ZNF30: variants seen among roughly 807,000 people sequenced by gnomAD.
The protein encoded by ZNF30 is zinc finger protein 30 (KOX 28).
A neutral mutation model predicts 13.2 loss-of-function variants in ZNF30; 15 were observed. The observed-to-expected ratio is 1.13, with a 90% CI of 0.76 to 1.75. The LOEUF is 1.75. Among genes scored for constraint, ZNF30 ranks in the 40% most tolerant of loss-of-function variants. The pLI is 0.00. For synonymous variants in ZNF30, 223 were observed against 256.6 expected (o/e 0.87, Z 1.25); for missense variants, 726 against 757.0 (o/e 0.96, Z 0.48).
At position 34,944,713 on chromosome 19, in the gene ZNF30, C is replaced by T. The variant is rs2013251013; in HGVS notation, c.1747C>T (p.Leu583Phe). ...CGKAFRLNSF[L>F]TEHQRVHTGE... is the part of the protein sequence containing the mutation. ...GAAGGCCTTTAGACTTAATTCATTC[C>T]TTACTGAACATCAGCGGGTACACAC... Residue 583 changes from leucine to phenylalanine, a missense_variant, in exon 5 of 5, where the codon CTT becomes TTT. By Grantham distance (22) the Leu-to-Phe change is conservative. Coordinates refer to ENST00000601142, the MANE Select transcript of ZNF30 (RefSeq NM_194325.3). 2.5e-6 allele frequency: 4 copies of T among 1,612,514 alleles called. No individual in the cohort carries two copies. The highest frequency in any genetic ancestry group is 3.4e-6 in the Non-Finnish European group (4 of 1,178,814).
At chr19:34,939,948 A>C (rs1043910660) in intron 4 of ZNF30, among the ~76,000 whole-genome samples, 13 of 152,248 alleles carry the variant, frequency 8.5e-5, no homozygotes, top group Non-Finnish European at 1.5e-4. Flanking sequence ...GTAGTTTTAT[A>C]AAAAGGTGTA....
At position 34,944,152 on chromosome 19, in the gene ZNF30, G is replaced by A. The variant is rs1450575693; in HGVS notation, c.1186G>A (p.Gly396Ser). 6.2e-7 allele frequency: 1 copy of A among 1,613,792 alleles called. No individual in the cohort carries two copies. The change falls in exon 5 of 5, where the codon GGC becomes AGC. Residue 396 changes from glycine (G) to serine (S), a missense_variant. Gly to Ser is a moderately conservative substitution (Grantham distance 56, BLOSUM62 0). Coordinates refer to ENST00000601142, the MANE Select transcript of ZNF30 (RefSeq NM_194325.3). ...TGTTCAACATGGAAGACTTCACACTGGCGAGAAGCCCTATGAATGTAAGGA... is the reference window on the plus strand; with the variant it reads ...TGTTCAACATGGAAGACTTCACACTAGCGAGAAGCCCTATGAATGTAAGGA... ...YLVQHGRLHT[G>S]EKPYECKECG...
At position 34,936,102 on chromosome 19, in the gene ZNF30, G is replaced by A. The variant is rs375239407; in HGVS notation, c.256+2379G>A. 7.9e-5 allele frequency among the ~76,000 whole-genome samples: 12 copies of A among 152,296 alleles called. No homozygotes were observed. In the South Asian group the frequency reaches 2.3e-3, roughly 29 times the overall value. ...TCCCACCAAGTCCCTCCCACAACACGTGGGAATTATGGGAGCTACAATTCA... is the reference window on the plus strand; with the variant it reads ...TCCCACCAAGTCCCTCCCACAACACATGGGAATTATGGGAGCTACAATTCA... On this transcript the variant is annotated intron_variant, in intron 4 of 4. Coordinates refer to ENST00000601142, the MANE Select transcript of ZNF30 (RefSeq NM_194325.3).
chr19:34,937,100 C>G (rs138402860), intron 4 of ZNF30, among the ~76,000 whole-genome samples: 2 of 152,012 alleles, frequency 1.3e-5, no homozygotes. Flanking sequence ...CAACCTCTGC[C>G]TCCCTGGTTA....
At chr19:34,924,770 G>A (rs1437364798), upstream of ZNF30, among the ~76,000 whole-genome samples, 1 of 152,108 alleles carries the variant, frequency 6.6e-6, no homozygotes, top group Admixed American at 6.6e-5. Flanking sequence ...AGTTTCAGAG[G>A]GTTTGAAAAT....
At chr19:34,927,676 C>T (rs1186721902) in intron 1 of ZNF30, among the ~76,000 whole-genome samples, 1 of 152,210 alleles carries the variant, frequency 6.6e-6, no homozygotes, top group East Asian at 1.9e-4. Flanking sequence ...ACATTTCCAT[C>T]AATCTCCATA....
At position 34,926,969 on chromosome 19, in the gene ZNF30, GCTAT is replaced by G; in HGVS notation, c.-310_-307del. 1 of 398,594 alleles carries G rather than the reference GCTAT, an allele frequency of 2.5e-6. No individual in the cohort carries two copies. Among genetic ancestry groups the G allele is most frequent in the Admixed American group, 4.4e-5 (1 of 22,744 alleles). The allele number at this position is 398,594 out of a possible 1,614,324, so 24.7% of individuals were successfully genotyped here. A position where few individuals can be genotyped will look rare whatever the true frequency, so the allele number is the denominator to read the frequency against. On this transcript the variant is annotated 5_prime_UTR_variant, in exon 1 of 5. It introduces an in-frame stop codon into an upstream open reading frame of the 5' UTR. Coordinates refer to ENST00000601142, the MANE Select transcript of ZNF30 (RefSeq NM_194325.3). ...AGGACTGCATTTCCCAGAGGCTGCA[GCTAT>G]CCGGCCAATGTAGCCTGAAACTACA...
At chr19:34,924,610 G>T (rs1663751636), upstream of ZNF30, among the ~76,000 whole-genome samples, 1 of 152,182 alleles carries the variant, frequency 6.6e-6, no homozygotes, top group African/African-American at 2.4e-5. Flanking sequence ...GGACAGAAGT[G>T]ATCAGTGACC....
intron 3 of ZNF30, among the ~76,000 whole-genome samples, chr19:34,933,076 G>A (rs2012541737): frequency 7.2e-6 from 1 of 138,788 alleles, no homozygotes; most frequent in Non-Finnish European, 1.6e-5. Flanking sequence ...CACCGGGCCT[G>A]GTTTTTTATC....
In ZNF30 at chr19:34,944,872, G is replaced by A. The variant is rs1053213; in HGVS notation, c.*34G>A. 169,650 of 1,511,928 alleles carry A rather than the reference G, an allele frequency of 0.11. 9,920 individuals carry two copies. The highest frequency in any genetic ancestry group is 0.22 in the East Asian group (9,430 of 43,840). 93.7% of individuals were successfully genotyped at this position (1,511,928 alleles called of 1,614,324 possible). A position where few individuals can be genotyped will look rare whatever the true frequency, so the allele number is the denominator to read the frequency against. On this transcript the variant is annotated 3_prime_UTR_variant, in exon 5 of 5. Transcript: ENST00000601142. The stretch of plus-strand genomic sequence containing the variant: ...GGAGTGTGGGAAGTGCTTCGTGTGT[G>A]GCTCAAACATTGTTGAACATCGGGG...
chr19:34,929,298 C>T (rs1426699582), intron 1 of ZNF30, among the ~76,000 whole-genome samples: 1 of 151,376 alleles, frequency 6.6e-6, no homozygotes, highest in Non-Finnish European at 1.5e-5. Flanking sequence ...AAAAATAAAA[C>T]AAAACAAAAC....
At chr19:34,928,694 G>A (rs371170172) in intron 1 of ZNF30, among the ~76,000 whole-genome samples, 1 of 151,932 alleles carries the variant, frequency 6.6e-6, no homozygotes, top group East Asian at 1.9e-4. Context: ...TTAGCCAGGC[G>A]TGGTGGTGGG....
At chr19:34,931,780 C>A in intron 2 of ZNF30, 63 bp from the exon 3 acceptor site, 1 of 1,533,168 alleles carries the variant, frequency 6.5e-7, no homozygotes. Context: ...TGCTCCCTTA[C>A]TACACTGAAA....
At chr19:34,928,220 A>AAAAATAT (rs1555778254) in intron 1 of ZNF30, among the ~76,000 whole-genome samples, 67 of 73,364 alleles carry the variant, frequency 9.1e-4, no homozygotes, top group South Asian at 1.5e-3. Context: ...AAAAAAAAAA[A>AAAAATAT]ATATATATAT....
intron 4 of ZNF30, among the ~76,000 whole-genome samples, chr19:34,937,381 GTAGAATTAA>G (rs55715873): frequency 0.068 from 10,358 of 152,166 alleles, 417 homozygotes; most frequent in Middle Eastern, 0.095. Context: ...CTCTTTTAAG[GTAGAATTAA>G]AACCAGAAAG....
Position 34,944,268 on chromosome 19 carries a change from C to T in ZNF30, c.1302C>T (p.Gly434=), listed in dbSNP as rs1375025847. 7 of 1,608,168 alleles carry T rather than the reference C, an allele frequency of 4.4e-6. No individual in the cohort carries two copies. The highest frequency in any genetic ancestry group is 3.4e-5 in the Admixed American group (2 of 59,494). The change falls in exon 5 of 5, where the codon GGC becomes GGT. Residue 434 remains glycine, a synonymous_variant. Coordinates refer to ENST00000601142, the MANE Select transcript of ZNF30 (RefSeq NM_194325.3). ...GEKPYECKEC[G]KAFISRHQLT... is the part of the protein sequence containing the mutation. The stretch of plus-strand genomic sequence containing the variant: ...AACCCTATGAATGTAAGGAATGTGG[C>T]AAAGCCTTTATTAGTCGCCATCAGC...
upstream of ZNF30, among the ~76,000 whole-genome samples, chr19:34,925,892 G>A (rs980787997): frequency 2.6e-5 from 4 of 152,294 alleles, no homozygotes; most frequent in Admixed American, 2.6e-4. Flanking sequence ...ACAGAGCTCG[G>A]CTGGCCGCGG....
In ZNF30 at chr19:34,944,671, G is replaced by C. The variant is rs755626847; in HGVS notation, c.1705G>C (p.Glu569Gln). 6.2e-7 allele frequency: 1 copy of C among 1,612,576 alleles called. No homozygotes were observed. Among genetic ancestry groups the C allele is most frequent in the Admixed American group, 1.7e-5 (1 of 59,942 alleles). Residue 569 changes from glutamate to glutamine, a missense_variant, in exon 5 of 5, where the codon GAA becomes CAA. Physicochemically the swap from Glu to Gln is conservative, Grantham distance 29. Transcript: ENST00000601142. ...QSVHTGEKPF[E>Q]CKECGKAFRL... ...TGTTCACACTGGTGAGAAACCTTTT[G>C]AATGTAAGGAATGCGGGAAGGCCTT...
At position 34,926,931 on chromosome 19, in the gene ZNF30, G is replaced by A; in HGVS notation, c.-350G>A. On this transcript the variant is annotated 5_prime_UTR_variant, in exon 1 of 5. Transcript: ENST00000601142. ...GTGGACTGCGCCGGGCATGCTCGGC[G>A]GTGTGACGGCTCAGGACTGCATTTC... 1 of 398,458 alleles carries A rather than the reference G, an allele frequency of 2.5e-6. No homozygotes were observed. Among genetic ancestry groups the A allele is most frequent in the Non-Finnish European group, 4.4e-6 (1 of 225,942 alleles). The allele number at this position is 398,458 out of a possible 1,614,324, so 24.7% of individuals were successfully genotyped here.
Sources: gnomAD v4.1 joint callset for allele counts (sites outside exome capture counted in the v4.1 genomes callset) on GRCh38, gnomAD v4.1.1 for gene constraint, MANE v1.5 for transcripts, NCBI Gene and HGNC (gene_info 2026-07-23, HGNC 2026-07-21) for gene names.